The following SYNPO2 variants were observed in gnomAD, a reference collection of about 807,000 sequenced individuals.
The protein encoded by SYNPO2 is synaptopodin 2.
SYNPO2 carries 56 observed loss-of-function variants against 85.0 expected under a neutral mutation model. That is an observed-to-expected ratio of 0.66 (90% CI 0.53 to 0.82). SYNPO2 has a LOEUF of 0.82. SYNPO2 is among the 40% of genes least tolerant of loss of function. The probability of loss-of-function intolerance (pLI) is 0.00; values close to 1 mark genes in which losing one functional copy is unlikely to be tolerated. For missense variants in SYNPO2, 1,575 were observed against 1,534.2 expected (o/e 1.03, Z -0.44); for synonymous variants, 602 against 591.1 (o/e 1.02, Z -0.27).
intron 1 of SYNPO2, among the ~76,000 whole-genome samples, chr4:118,920,481 C>A (rs935412857): frequency 6.6e-6 from 1 of 152,104 alleles, no homozygotes; most frequent in Non-Finnish European, 1.5e-5. Context: ...AGAGTAAATA[C>A]AAGAACACTT....
chr4:118,876,749 G>GTC (rs1010270885), intron 1 of SYNPO2, among the ~76,000 whole-genome samples: 4 of 118,642 alleles, frequency 3.4e-5, no homozygotes, highest in East Asian at 5.0e-4. Context: ...GCCTTTCTCT[G>GTC]TCTCTCTCTC....
chr4:119,002,169 A>T (rs1736844218), intron 1 of SYNPO2, among the ~76,000 whole-genome samples: 1 of 152,108 alleles, frequency 6.6e-6, no homozygotes, highest in African/African-American at 2.4e-5. Flanking sequence ...TTAAGATTTT[A>T]GTTTTCTAAG....
intron 4 of SYNPO2, 78 bp downstream of exon 4, chr4:119,032,105 G>T (rs1348296954): frequency 1.3e-6 from 2 of 1,555,976 alleles, no homozygotes; most frequent in African/African-American, 1.4e-5. Flanking sequence ...TGAATTGTTT[G>T]CAGTGTTTCT....
chr4:119,053,242 G>A (rs12506823), intron 4 of SYNPO2, among the ~76,000 whole-genome samples: 59,455 of 152,056 alleles, frequency 0.39, 11,877 homozygotes, highest in East Asian at 0.55. Context: ...ATTGCTTTGG[G>A]GAAATACATT....
chr4:118,887,166 A>AGTGAGTGTGTGTGT (rs1553935343), upstream of SYNPO2, among the ~76,000 whole-genome samples: 3 of 139,058 alleles, frequency 2.2e-5, no homozygotes, highest in African/African-American at 8.3e-5. Flanking sequence ...CATCTGAGTG[A>AGTGAGTGTGTGTGT]GTGTGTGTGT....
Position 118,993,141 on chromosome 4 carries a change from A to G in SYNPO2, c.106-30289A>G, listed in dbSNP as rs188449754. Among the ~76,000 whole-genome samples the G allele has an allele frequency of 2.0e-4, 31 of 152,374 alleles. No homozygotes were observed. In the East Asian group the frequency reaches 5.8e-3, roughly 28 times the overall value. ...CATAAGAGAATTACTTACATTGTCA[A>G]TTAAATTTTTAAATTAAATTCTGAT... is the stretch of plus-strand genomic sequence containing the variant. On this transcript the variant is annotated intron_variant, in intron 1 of 4. Transcript: ENST00000307142.
Position 118,888,946 on chromosome 4 carries a change from C to G in SYNPO2, c.-91C>G, listed in dbSNP as rs966968788. The G allele has an allele frequency of 2.0e-5, 26 of 1,315,954 alleles. No homozygotes were observed. In the African/African-American group the frequency reaches 3.6e-4, roughly 18 times the overall value. The allele number at this position is 1,315,954 out of a possible 1,614,324, so 81.5% of individuals were successfully genotyped here. On this transcript the variant is annotated 5_prime_UTR_variant, in exon 1 of 5. Transcript: ENST00000307142. ...GCATTACCCAGTCTTGCGTCCTCGG[C>G]AGGCGCCCGAAGCTGAGTGCGCATC...
At chr4:118,948,304 C>G (rs915324210) in intron 1 of SYNPO2, among the ~76,000 whole-genome samples, 1 of 152,114 alleles carries the variant, frequency 6.6e-6, no homozygotes, top group Non-Finnish European at 1.5e-5. Flanking sequence ...TGTCCATTTT[C>G]TTAAGGAAGA....
At position 119,054,276 on chromosome 4, in the gene SYNPO2, G is replaced by A. The variant is rs186007078; in HGVS notation, c.3253-3125G>A. Among the ~76,000 whole-genome samples, 283 of 152,340 alleles carry A rather than the reference G, an allele frequency of 1.9e-3. 2 individuals carry two copies. Among genetic ancestry groups the A allele is most frequent in the African/African-American group, 6.4e-3 (266 of 41,584 alleles). On this transcript the variant is annotated intron_variant, in intron 4 of 4. Coordinates refer to ENST00000307142, the MANE Select transcript of SYNPO2 (RefSeq NM_133477.3). ...TCTCTTAGTTCTGCCGTCCACAGAC[G>A]GTGGTTTGTTAGCAGCTCAGTTGGC... is the stretch of plus-strand genomic sequence containing the variant.
rs765279340 is a variant in SYNPO2, at chr4:119,030,962, C to A, written c.2187C>A (p.Ser729=). 2 of 1,614,116 alleles carry A rather than the reference C, an allele frequency of 1.2e-6. No homozygotes were observed. The highest frequency in any genetic ancestry group is 1.3e-5 in the African/African-American group (1 of 75,016). Residue 729 remains serine, a synonymous_variant, in exon 4 of 5, where the codon TCC becomes TCA. Transcript: ENST00000307142. Reference sequence around the variant, plus strand: ...GGGGCACTGGAGCTGGAGGTGATTCCGGACCGGAAGAAGACTACCTCAGCT... The same window carrying A: ...GGGGCACTGGAGCTGGAGGTGATTCAGGACCGGAAGAAGACTACCTCAGCT... ...GKRGTGAGGD[S]GPEEDYLSLG...
intron 2 of SYNPO2, among the ~76,000 whole-genome samples, chr4:119,025,179 G>A (rs1560992907): frequency 6.6e-6 from 1 of 152,128 alleles, no homozygotes; most frequent in Non-Finnish European, 1.5e-5. Flanking sequence ...CTACAAGGCT[G>A]GCATGAATTG....
chr4:119,040,768 G>A (rs150643932), intron 4 of SYNPO2, among the ~76,000 whole-genome samples: 2 of 152,288 alleles, frequency 1.3e-5, no homozygotes, highest in African/African-American at 4.8e-5. Flanking sequence ...TGGAGCAGTT[G>A]GCAACCCTAT....
At chr4:119,020,016 A>G (rs1233575826) in intron 1 of SYNPO2, among the ~76,000 whole-genome samples, 1 of 152,188 alleles carries the variant, frequency 6.6e-6, no homozygotes, top group Non-Finnish European at 1.5e-5. Context: ...TCACATAAAC[A>G]TACACACTTA....
intron 1 of SYNPO2, among the ~76,000 whole-genome samples, chr4:118,876,657 T>C (rs1731914608): frequency 6.7e-6 from 1 of 149,322 alleles, no homozygotes; most frequent in African/African-American, 2.5e-5. Flanking sequence ...CTTCCTTCCT[T>C]CCTTCCTTTC....
intron 1 of SYNPO2, among the ~76,000 whole-genome samples, chr4:118,900,689 CTCTCTCTCTCTCTCTATA>C (rs1486203440): frequency 3.1e-3 from 167 of 54,028 alleles, no homozygotes; most frequent in African/African-American, 7.9e-3. Context: ...CTCTCTCTCT[CTCTCTCTCTCTCTCTATA>C]TATATATATA....
chr4:119,057,537 C>G lies in SYNPO2; in HGVS notation c.3389C>G (p.Thr1130Ser). 6.2e-7 allele frequency: 1 copy of G among 1,614,128 alleles called. No individual in the cohort carries two copies. The stretch of plus-strand genomic sequence containing the variant: ...CTAGAGAAAGCAAACAAGAGACCAA[C>G]TCCTTGGGAAGCAGCAGCAAAGTCT... The part of the protein sequence containing the change: ...DGLEKANKRP[T>S]PWEAAAKSPL... Residue 1130 changes from threonine (T) to serine (S), a missense_variant, in exon 5 of 5, where the codon ACT becomes AGT. Physicochemically the swap from Thr to Ser is moderately conservative, Grantham distance 58 (BLOSUM62 1). Transcript: ENST00000307142.
At chr4:119,007,264 AT>A (rs1737104265) in intron 1 of SYNPO2, among the ~76,000 whole-genome samples, 1 of 76,502 alleles carries the variant, frequency 1.3e-5, no homozygotes, top group East Asian at 3.9e-4. Flanking sequence ...ATATATATAT[AT>A]ATATATATAT....
At chr4:118,906,241 AAG>A (rs1374948671) in intron 1 of SYNPO2, among the ~76,000 whole-genome samples, 3 of 152,132 alleles carry the variant, frequency 2.0e-5, no homozygotes, top group African/African-American at 7.2e-5. Flanking sequence ...AACTTATATA[AAG>A]AGTAATTAGA....
intron 1 of SYNPO2, among the ~76,000 whole-genome samples, chr4:118,960,922 A>G (rs1735057087): frequency 6.6e-6 from 1 of 152,062 alleles, no homozygotes. Context: ...GTCGCCTTCT[A>G]ATTTCCTCCC....
Sources: gnomAD v4.1 joint callset for allele counts (sites outside exome capture counted in the v4.1 genomes callset) on GRCh38, gnomAD v4.1.1 for gene constraint, MANE v1.5 for transcripts, NCBI Gene and HGNC (gene_info 2026-07-23, HGNC 2026-07-21) for gene names.